NEDD4: variants seen among roughly 807,000 people sequenced by gnomAD.
The protein encoded by NEDD4 is NEDD4 E3 ubiquitin protein ligase.
A neutral mutation model predicts 144.9 loss-of-function variants in NEDD4; 99 were observed. The ratio of observed to expected loss-of-function variants is 0.68; its 90% CI spans 0.58 to 0.81. NEDD4 has a LOEUF of 0.81. Ranked by LOEUF, NEDD4 falls within the 30% of genes least tolerant of loss-of-function variation. The probability of loss-of-function intolerance (pLI) is 0.00; values close to 1 mark genes in which losing one functional copy is unlikely to be tolerated. For synonymous variants in NEDD4, 318 were observed against 350.6 expected (o/e 0.91, Z 1.04); for missense variants, 985 against 1,065.9 (o/e 0.92, Z 1.06).
chr15:55,867,262 T>C (rs1028088983), intron 8 of NEDD4, among the ~76,000 whole-genome samples: 2 of 152,118 alleles, frequency 1.3e-5, no homozygotes, highest in African/African-American at 2.4e-5. Context: ...ACACAGAAGG[T>C]AAATAAGCAC....
rs779494037 is a variant in NEDD4, at chr15:55,833,019, G to T, written c.2516C>A (p.Ala839Asp). Residue 839 changes from alanine (A) to aspartate (D), a missense_variant, in exon 27 of 29, where the codon GCT (alanine) becomes GAT (aspartate). Transcript: ENST00000435532. Reference sequence around the variant, plus strand: ...TGGAAAATCCTTACCGTATAGTTCAGCAAATCCATTCATAGGCACCCGAGA... The same window carrying T: ...TGGAAAATCCTTACCGTATAGTTCATCAAATCCATTCATAGGCACCCGAGA... The part of the protein sequence containing the change: ...GTSRVPMNGF[A>D]ELYGSNGPQS... The T allele has an allele frequency of 2.5e-6, 4 of 1,610,354 alleles. No homozygotes were observed. In the East Asian group the frequency reaches 8.9e-5, roughly 36 times the overall value.
At chr15:55,916,324 C>G (rs756142113) in intron 5 of NEDD4, 1 of 1,613,960 alleles carries the variant, frequency 6.2e-7, no homozygotes, top group Admixed American at 1.7e-5. Context: ...GCACATGACC[C>G]AAAATCACTA....
At chr15:55,956,194 T>C (rs1301829534) in intron 2 of NEDD4, among the ~76,000 whole-genome samples, 2 of 152,182 alleles carry the variant, frequency 1.3e-5, no homozygotes, top group Non-Finnish European at 2.9e-5. Context: ...AGATTACCCA[T>C]TCATTTGACA....
intron 27 of NEDD4, 73 bp from the exon 28 acceptor site, chr15:55,830,659 T>C: frequency 1.7e-6 from 2 of 1,155,642 alleles, no homozygotes; most frequent in Non-Finnish European, 2.6e-6. Context: ...CTTTTTCTAG[T>C]GTACACTAGT....
chr15:55,922,236 T>A (rs1038695539), intron 5 of NEDD4, among the ~76,000 whole-genome samples: 2 of 152,174 alleles, frequency 1.3e-5, no homozygotes, highest in South Asian at 4.1e-4. Context: ...TATAGAAAAT[T>A]ATGCATCATT....
At chr15:55,944,216 G>A (rs1039499703) in intron 4 of NEDD4, among the ~76,000 whole-genome samples, 6 of 152,194 alleles carry the variant, frequency 3.9e-5, no homozygotes, top group Non-Finnish European at 7.3e-5. Context: ...AGGGGTCAGG[G>A]GATTTCCCTT....
At chr15:55,923,659 A>AAATATATAT (rs546642962) in intron 5 of NEDD4, among the ~76,000 whole-genome samples, 7 of 135,286 alleles carry the variant, frequency 5.2e-5, no homozygotes, top group African/African-American at 1.7e-4. Flanking sequence ...AAAAAAAAAA[A>AAATATATAT]ATATATATAT....
Position 55,864,573 on chromosome 15 carries a change from T to C in NEDD4, c.508-1494A>G, listed in dbSNP as rs759000153. 5.3e-5 allele frequency among the ~76,000 whole-genome samples: 8 copies of C among 151,010 alleles called. No homozygotes were observed. In the Middle Eastern group the frequency reaches 0.024, roughly 462 times the overall value. On this transcript the variant is annotated intron_variant, in intron 8 of 28. Coordinates refer to ENST00000435532, the MANE Select transcript of NEDD4 (RefSeq NM_006154.4). ...GCGCATGCCTGTAAATCCCAGTTATTCGGGAGGCTGAGGCAGGAGAATCAC... is the reference window on the plus strand; with the variant it reads ...GCGCATGCCTGTAAATCCCAGTTATCCGGGAGGCTGAGGCAGGAGAATCAC...
chr15:55,962,036 C>T (rs925313314), intron 2 of NEDD4, among the ~76,000 whole-genome samples: 7 of 152,134 alleles, frequency 4.6e-5, no homozygotes, highest in Admixed American at 6.5e-5. Context: ...CCTTTAATTC[C>T]GTCAAATTTT....
At chr15:55,931,411 A>G (rs1227403665) in intron 4 of NEDD4, among the ~76,000 whole-genome samples, 1 of 152,246 alleles carries the variant, frequency 6.6e-6, no homozygotes, top group Non-Finnish European at 1.5e-5. Context: ...AACTATGTGC[A>G]AATTCTTTCA....
At chr15:55,990,307 A>C (rs1375589450) in intron 1 of NEDD4, among the ~76,000 whole-genome samples, 1 of 152,076 alleles carries the variant, frequency 6.6e-6, no homozygotes, top group Non-Finnish European at 1.5e-5. Context: ...TGGTGCCAAA[A>C]CAGTTGGGGA....
chr15:55,963,738 T>G (rs888545291), intron 2 of NEDD4, among the ~76,000 whole-genome samples: 1 of 152,348 alleles, frequency 6.6e-6, no homozygotes, highest in Non-Finnish European at 1.5e-5. Flanking sequence ...CTTTATTCCT[T>G]TCTAAGGACC....
At chr15:55,885,327 G>C (rs189314757) in intron 5 of NEDD4, among the ~76,000 whole-genome samples, 28 of 152,208 alleles carry the variant, frequency 1.8e-4, no homozygotes, top group Non-Finnish European at 3.5e-4. Context: ...GAAAGAAAAG[G>C]ATATTAATGA....
chr15:55,993,409 G>A (rs2038020591), intron 1 of NEDD4, 102 bp downstream of exon 1: 2 of 1,431,480 alleles, frequency 1.4e-6, no homozygotes, highest in Admixed American at 2.0e-5. Context: ...AGGAGGGGCT[G>A]ACAGCAGAGC....
chr15:55,916,301 A>T (rs2036441041), intron 5 of NEDD4: 1 of 1,613,926 alleles, frequency 6.2e-7, no homozygotes, highest in Non-Finnish European at 8.5e-7. Flanking sequence ...ATGAACCTCC[A>T]CTTGTGATAC....
intron 2 of NEDD4, among the ~76,000 whole-genome samples, chr15:55,956,160 G>A (rs1421767016): frequency 1.3e-5 from 2 of 152,064 alleles, no homozygotes; most frequent in African/African-American, 4.8e-5. Flanking sequence ...TACATAGTAG[G>A]TGTATGTATT....
chr15:55,957,410 G>A (rs2037355459), intron 2 of NEDD4, among the ~76,000 whole-genome samples: 1 of 152,130 alleles, frequency 6.6e-6, no homozygotes, highest in African/African-American at 2.4e-5. Context: ...TTAAGTAGGT[G>A]GTTAGCTACT....
chr15:55,971,453 C>T (rs193057865), intron 1 of NEDD4, among the ~76,000 whole-genome samples: 3 of 151,868 alleles, frequency 2.0e-5, no homozygotes, highest in South Asian at 2.1e-4. Context: ...GGTTAAACCC[C>T]GTCTCCACTA....
chr15:55,903,020 A>AAATG (rs2035960773), intron 5 of NEDD4, among the ~76,000 whole-genome samples: 1 of 152,060 alleles, frequency 6.6e-6, no homozygotes, highest in East Asian at 1.9e-4. Context: ...ATAAATAAAT[A>AAATG]AATAAAAAGA....
Sources: gnomAD v4.1 joint callset for allele counts (sites outside exome capture counted in the v4.1 genomes callset) on GRCh38, gnomAD v4.1.1 for gene constraint, MANE v1.5 for transcripts, NCBI Gene and HGNC (gene_info 2026-07-23, HGNC 2026-07-21) for gene names.